The following MEGF8 variants were observed in gnomAD, a reference collection of about 807,000 sequenced individuals.
MEGF8 encodes the protein multiple EGF like domains 8, also known as multiple epidermal growth factor-like domains protein 8.
MEGF8 carries 156 observed loss-of-function variants against 302.9 expected under a neutral mutation model. The ratio of observed to expected loss-of-function variants is 0.52; its 90% CI spans 0.45 to 0.59. The LOEUF (loss-of-function observed/expected upper bound fraction) is 0.59. Among genes scored for constraint, MEGF8 ranks in the 20% least tolerant of loss-of-function variants. The pLI is 0.00. For missense variants in MEGF8, 3,345 were observed against 3,964.5 expected, an observed-to-expected ratio of 0.84 and a Z score of 4.20; for synonymous variants, 1,621 against 1,660.5, an observed-to-expected ratio of 0.98 and a Z score of 0.58.
intron 5 of MEGF8, 112 bp from the exon 6 acceptor site, chr19:42,335,817 CTG>C: frequency 1.0e-6 from 1 of 1,004,790 alleles, no homozygotes; most frequent in African/African-American, 1.6e-5. Flanking sequence ...CTCTTTGTCT[CTG>C]TCTTTATCTC....
intron 13 of MEGF8, among the ~76,000 whole-genome samples, chr19:42,349,172 C>A (rs1267723365): frequency 6.6e-6 from 1 of 152,042 alleles, no homozygotes; most frequent in South Asian, 2.1e-4. Context: ...TGGTAGCATG[C>A]ACCTGTAGTC....
At chr19:42,345,856 T>C (rs2039282021) in intron 12 of MEGF8, among the ~76,000 whole-genome samples, 1 of 152,252 alleles carries the variant, frequency 6.6e-6, no homozygotes, top group Admixed American at 6.5e-5. Context: ...ATTCATCTTA[T>C]TGAGGAATGT....
At position 42,336,769 on chromosome 19, in the gene MEGF8, TCCTGCCCTGAGCC is replaced by T. The variant is rs766549390; in HGVS notation, c.1245-28_1245-16del. The T allele has an allele frequency of 6.5e-7, 1 of 1,542,822 alleles. No individual in the cohort carries two copies. Among genetic ancestry groups the T allele is most frequent in the South Asian group, 1.3e-5 (1 of 79,816 alleles). ...AGCCTGGAGGAGGGAGAGAGACGCT[TCCTGCCCTGAGCC>T]CCTGCCCTGCTTCTCCTTCGGTAGG... On this transcript the variant is annotated intron_variant, in intron 6 of 41. Transcript: ENST00000251268. The surrounding 1 kb of genome is among the most constrained non-coding windows in gnomAD (Gnocchi z 4.8).
At position 42,357,580 on chromosome 19, in the gene MEGF8, C is replaced by G. The variant is rs755932452; in HGVS notation, c.5007C>G (p.Pro1669=). The G allele has an allele frequency of 5.0e-6, 8 of 1,601,296 alleles. No individual in the cohort carries two copies. The South Asian group carries it at 6.7e-5, about 13-fold the overall frequency. The part of the protein sequence containing the change: ...WVSGAQSGTP[P]TGLYGHSAVY... ...CAGGAGCCCAGAGTGGGACACCCCC[C>G]ACAGGTGGGGCTGGGGACCGGGAGG... Residue 1669 remains proline (P), a synonymous_variant, in exon 28 of 42, where the codon CCC becomes CCG. Transcript: ENST00000251268. This position sits in a 1 kb window ranked among gnomAD's most constrained non-coding sequence, Gnocchi z 5.2.
Position 42,375,986 on chromosome 19 carries a change from G to T in MEGF8, c.7749G>T (p.Pro2583=), listed in dbSNP as rs971026507. 6.2e-7 allele frequency: 1 copy of T among 1,606,962 alleles called. No individual in the cohort carries two copies. The highest frequency in any genetic ancestry group is 2.2e-5 in the East Asian group (1 of 44,776). Residue 2583 remains proline (P), a synonymous_variant, in exon 42 of 42, where the codon CCG becomes CCT. Transcript: ENST00000251268. The surrounding 1 kb of genome is among the most constrained non-coding windows in gnomAD (Gnocchi z 7.1). ...GLITYVTVTE[P]SAVLVVRGVR... ...TTACCTACGTGACGGTGACGGAGCC[G>T]TCGGCAGTGCTGGTGGTCCGCGGCG...
chr19:42,338,328 C>T (rs549057042), intron 8 of MEGF8, among the ~76,000 whole-genome samples: 5 of 152,140 alleles, frequency 3.3e-5, no homozygotes, highest in Admixed American at 3.3e-4. Flanking sequence ...CAACTTCCAC[C>T]TCCTGGGTTC....
chr19:42,357,330 T>C lies in MEGF8; in HGVS notation c.4831-74T>C, dbSNP rs535626595. On this transcript the variant is annotated intron_variant, in intron 27 of 41. Coordinates refer to ENST00000251268, the MANE Select transcript of MEGF8 (RefSeq NM_001271938.2). The surrounding 1 kb of genome is among the most constrained non-coding windows in gnomAD (Gnocchi z 5.2). ...TACTTCAGGGAGGACTGTGGGGGGC[T>C]GAGGCTCGCTTCTACCCACAAGGTG... 5.9e-6 allele frequency: 9 copies of C among 1,526,730 alleles called. No individual in the cohort carries two copies. The South Asian group carries it at 8.4e-5, about 14-fold the overall frequency. 94.6% of individuals were successfully genotyped at this position (1,526,730 alleles called of 1,614,324 possible). A position where few individuals can be genotyped will look rare whatever the true frequency, so the allele number is the denominator to read the frequency against.
At chr19:42,371,925 A>T (rs2039697144) in intron 41 of MEGF8, among the ~76,000 whole-genome samples, 1 of 151,992 alleles carries the variant, frequency 6.6e-6, no homozygotes, top group African/African-American at 2.4e-5. Context: ...TCTGAAAAAA[A>T]ATTTAAAAAT....
Position 42,358,221 on chromosome 19 carries a change from G to T in MEGF8, c.5089G>T (p.Glu1697Ter). The T allele has an allele frequency of 6.3e-7, 1 of 1,599,994 alleles. No homozygotes were observed. Among genetic ancestry groups the T allele is most frequent in the Non-Finnish European group, 8.5e-7 (1 of 1,174,264 alleles). ...GTTTGGGGGGTTCCGATTCCATGTG[G>T]AGCTGGCGGCCCCATCCCCCGAGCT... ...YVFGGFRFHV[E>*]LAAPSPELYS... The change falls in exon 29 of 42, where the codon GAG (glutamate) becomes TAG (stop). Residue 1697 changes from glutamate (E) to a stop codon, truncating the protein, a stop_gained. Transcript: ENST00000251268. LOFTEE classifies it high-confidence loss of function. This position sits in a 1 kb window ranked among gnomAD's most constrained non-coding sequence, Gnocchi z 4.4.
chr19:42,335,832 C>T, intron 5 of MEGF8, 99 bp from the exon 6 acceptor site: 1 of 1,172,036 alleles, frequency 8.5e-7, no homozygotes, highest in African/African-American at 1.5e-5. Context: ...TTTATCTCGC[C>T]TTCTCTCCAT....
intron 3 of MEGF8, 84 bp from the exon 4 acceptor site, chr19:42,334,935 GTCTGTCTCATTCTGCC>G (rs1456797516): frequency 8.4e-7 from 1 of 1,187,968 alleles, no homozygotes; most frequent in African/African-American, 1.6e-5. Context: ...TTTGTGCCCT[GTCTGTCTCATTCTGCC>G]TCTTTTCCTC....
In MEGF8 at chr19:42,376,014, CG is replaced by C; in HGVS notation, c.7780del (p.Asp2594ThrfsTer96). On this transcript the variant is annotated frameshift_variant, in exon 42 of 42. Transcript: ENST00000251268. LOFTEE classifies it high-confidence loss of function. This position sits in a 1 kb window ranked among gnomAD's most constrained non-coding sequence, Gnocchi z 8.2. ...GGCAGTGCTGGTGGTCCGCGGCGTG[CG>C]GGACCGGCTGGTCATCACCTACCCA... The part of the protein sequence containing the change: ...PSAVLVVRGV[R>X]DRLVITYPHE... 1 of 1,605,362 alleles carries C rather than the reference CG, an allele frequency of 6.2e-7. No homozygotes were observed. Among genetic ancestry groups the C allele is most frequent in the African/African-American group, 1.3e-5 (1 of 74,994 alleles).
intron 8 of MEGF8, among the ~76,000 whole-genome samples, chr19:42,340,494 G>A (rs1039573683): frequency 1.3e-5 from 2 of 151,886 alleles, no homozygotes; most frequent in Admixed American, 6.6e-5. Context: ...CTCCCAAAGT[G>A]CTGGGATTAC....
In MEGF8 at chr19:42,376,847, C is replaced by T; in HGVS notation, c.*72C>T. 1 of 1,399,826 alleles carries T rather than the reference C, an allele frequency of 7.1e-7. No individual in the cohort carries two copies. The highest frequency in any genetic ancestry group is 9.3e-7 in the Non-Finnish European group (1 of 1,077,202). The allele number at this position is 1,399,826 out of a possible 1,614,324, so 86.7% of individuals were successfully genotyped here. A position where few individuals can be genotyped will look rare whatever the true frequency, so the allele number is the denominator to read the frequency against. On this transcript the variant is annotated 3_prime_UTR_variant, in exon 42 of 42. Coordinates refer to ENST00000251268, the MANE Select transcript of MEGF8 (RefSeq NM_001271938.2). The surrounding 1 kb of genome is among the most constrained non-coding windows in gnomAD (Gnocchi z 8.2). ...CGCCCTGGACTTGGGGTCCCTCCAC[C>T]TGGGGGCCCCTGGACACTGTCTACT...
chr19:42,346,379 T>C (rs2039289293), intron 12 of MEGF8, among the ~76,000 whole-genome samples: 2 of 151,714 alleles, frequency 1.3e-5, no homozygotes, highest in Non-Finnish European at 2.9e-5. Flanking sequence ...CTGTCTCTAC[T>C]AAAACTACAA....
At chr19:42,364,069 G>A (rs187359875) in intron 35 of MEGF8, among the ~76,000 whole-genome samples, 10 of 152,346 alleles carry the variant, frequency 6.6e-5, no homozygotes, top group African/African-American at 2.2e-4. Flanking sequence ...CTAGGAGCAC[G>A]TGGTTCAAAC....
rs745356072 is a variant in MEGF8 at position 42,343,520 on chromosome 19, G to C, written c.1557G>C (p.Ala519=). Residue 519 remains alanine (A), a synonymous_variant, in exon 9 of 42, where the codon GCG becomes GCC. Coordinates refer to ENST00000251268, the MANE Select transcript of MEGF8 (RefSeq NM_001271938.2). The stretch of plus-strand genomic sequence containing the variant: ...GTGGTCGGTACTCACATGTAGCTGC[G>C]GTGCTTGGTGGCAGCGTCCTGTTGG... ...PPSGRYSHVA[A]VLGGSVLLVA... 5 of 1,613,326 alleles carry C rather than the reference G, an allele frequency of 3.1e-6. No individual in the cohort carries two copies. The Admixed American group carries it at 8.3e-5, about 27-fold the overall frequency.
chr19:42,329,217 T>G (rs2039024125), intron 1 of MEGF8, among the ~76,000 whole-genome samples: 1 of 152,040 alleles, frequency 6.6e-6, no homozygotes, highest in South Asian at 2.1e-4. Flanking sequence ...AATGTCACAC[T>G]GAGCAGCCTG....
chr19:42,344,942 C>A lies in MEGF8; in HGVS notation c.2097+109C>A. 8.6e-7 allele frequency: 1 copy of A among 1,166,262 alleles called. No individual in the cohort carries two copies. The highest frequency in any genetic ancestry group is 1.1e-6 in the Non-Finnish European group (1 of 869,612). 72.2% of individuals were successfully genotyped at this position (1,166,262 alleles called of 1,614,324 possible). A position where few individuals can be genotyped will look rare whatever the true frequency, so the allele number is the denominator to read the frequency against. On this transcript the variant is annotated intron_variant, in intron 12 of 41. Coordinates refer to ENST00000251268, the MANE Select transcript of MEGF8 (RefSeq NM_001271938.2). This position sits in a 1 kb window ranked among gnomAD's most constrained non-coding sequence, Gnocchi z 4.5. ...CTTATGTTTACTCCAAAACTCTTTA[C>A]ATTCAAGGGTCTTATTTTCCTTATG...
Sources: gnomAD v4.1 joint callset for allele counts (sites outside exome capture counted in the v4.1 genomes callset) on GRCh38, gnomAD v4.1.1 for gene constraint, Gnocchi (gnomAD v3.1) non-coding constraint, MANE v1.5 for transcripts, NCBI Gene and HGNC (gene_info 2026-07-23, HGNC 2026-07-21) for gene names.